The following NUP98 variants were observed in gnomAD, a reference collection of about 807,000 sequenced individuals.
The protein encoded by NUP98 is nuclear pore complex protein Nup98-Nup96.
Under a neutral mutation model 191.9 loss-of-function variants are expected in NUP98, and 26 were observed. The observed-to-expected ratio is 0.14, with a 90% confidence interval of 0.10 to 0.19. NUP98 has a LOEUF of 0.19. NUP98 is among the 10% of genes least tolerant of loss of function. The pLI is 1.00. For synonymous variants in NUP98, 808 were observed against 778.4 expected, an observed-to-expected ratio of 1.04 and a Z score of -0.63; for missense variants, 1,941 against 2,178.8, an observed-to-expected ratio of 0.89 and a Z score of 2.17.
intron 8 of NUP98, among the ~76,000 whole-genome samples, chr11:3,763,707 C>T (rs1252879726): frequency 1.3e-5 from 2 of 152,028 alleles, no homozygotes; most frequent in East Asian, 3.9e-4. Flanking sequence ...CGCCACCAGG[C>T]CTGGCTAATT....
In NUP98 at chr11:3,705,318, T is replaced by C; in HGVS notation, c.2964A>G (p.Val988=). 6.2e-7 allele frequency: 1 copy of C among 1,614,186 alleles called. No homozygotes were observed. The highest frequency in any genetic ancestry group is 2.2e-5 in the East Asian group (1 of 44,890). The stretch of plus-strand genomic sequence containing the variant: ...TGAAGCGTTGATCCAGTGCCATATC[T>C]ACATCTTCTTCATCAGTAAGCAATG... ...KASLLTDEED[V]DMALDQRFSR... Residue 988 remains valine, a synonymous_variant, in exon 22 of 33, where the codon GTA becomes GTG. Coordinates refer to ENST00000324932, the MANE Select transcript of NUP98 (RefSeq NM_016320.5).
At chr11:3,683,490 A>C in intron 29 of NUP98, 49 bp from the exon 30 acceptor site, 1 of 1,601,192 alleles carries the variant, frequency 6.2e-7, no homozygotes, top group African/African-American at 1.3e-5. Flanking sequence ...TTCATGGAGA[A>C]GGCTGCCCCA....
At chr11:3,785,106 C>A (rs2082098917) in intron 1 of NUP98, among the ~76,000 whole-genome samples, 1 of 151,856 alleles carries the variant, frequency 6.6e-6, no homozygotes, top group African/African-American at 2.4e-5. Flanking sequence ...CCACTGCACT[C>A]CAGCCTGGGC....
Position 3,714,013 on chromosome 11 carries a change from T to C in NUP98, c.2400-18A>G. 1 of 1,611,174 alleles carries C rather than the reference T, an allele frequency of 6.2e-7. No homozygotes were observed. Among genetic ancestry groups the C allele is most frequent in the Non-Finnish European group, 8.5e-7 (1 of 1,179,138 alleles). Reference sequence around the variant, plus strand: ...CAGCCTTCCTGTAAAACATAACCAATTAAAGTAACCAATTAAAGTAAAAGC... The same window carrying C: ...CAGCCTTCCTGTAAAACATAACCAACTAAAGTAACCAATTAAAGTAAAAGC... On this transcript the variant is annotated intron_variant, in intron 18 of 32. Coordinates refer to ENST00000324932, the MANE Select transcript of NUP98 (RefSeq NM_016320.5).
chr11:3,752,885 T>C (rs1290409190), intron 11 of NUP98, among the ~76,000 whole-genome samples: 2 of 152,144 alleles, frequency 1.3e-5, no homozygotes, highest in Non-Finnish European at 2.9e-5. Flanking sequence ...TATATGACAA[T>C]GGAACTAAAT....
chr11:3,684,891 T>A (rs2078094108), intron 29 of NUP98, among the ~76,000 whole-genome samples: 1 of 150,834 alleles, frequency 6.6e-6, no homozygotes. Flanking sequence ...AGATCTAGAA[T>A]TTAGACCCTA....
intron 1 of NUP98, among the ~76,000 whole-genome samples, chr11:3,791,859 A>T (rs1286726210): frequency 5.2e-5 from 7 of 135,420 alleles, no homozygotes; most frequent in Admixed American, 2.2e-4. Context: ...AAAAAAAAAA[A>T]TTTTGATACA....
In NUP98 at chr11:3,792,440, G is replaced by A. The variant is rs1288099931; in HGVS notation, c.-29+4960C>T. Among the ~76,000 whole-genome samples the A allele has an allele frequency of 6.6e-5, 10 of 151,878 alleles. No individual in the cohort carries two copies. The East Asian group carries it at 1.6e-3, about 24-fold the overall frequency. On this transcript the variant is annotated intron_variant, in intron 1 of 32. Coordinates refer to ENST00000324932, the MANE Select transcript of NUP98 (RefSeq NM_016320.5). The stretch of plus-strand genomic sequence containing the variant: ...GCCATGGTCAACATGTTGAAACCCC[G>A]TCTCTACAAAAAATACAAAAATTAG...
At chr11:3,765,650 A>C (rs887172246) in intron 8 of NUP98, among the ~76,000 whole-genome samples, 1 of 152,004 alleles carries the variant, frequency 6.6e-6, no homozygotes, top group African/African-American at 2.4e-5. Context: ...AATATAAAAA[A>C]ATTAGCCGGG....
intron 22 of NUP98, 141 bp from the exon 23 acceptor site, chr11:3,703,033 G>C: frequency 4.3e-6 from 3 of 699,082 alleles, no homozygotes; most frequent in Non-Finnish European, 7.0e-6. Context: ...ATGACCAGAA[G>C]CAGGCTAAGT....
At chr11:3,778,775 AAAG>A (rs1158905678) in intron 4 of NUP98, 95 bp downstream of exon 4, 33 of 1,290,728 alleles carry the variant, frequency 2.6e-5, no homozygotes, top group Non-Finnish European at 3.6e-5. Flanking sequence ...TTTAGTAGGA[AAAG>A]AAGGTAGATG....
intron 10 of NUP98, among the ~76,000 whole-genome samples, chr11:3,755,378 C>T (rs924604250): frequency 2.6e-5 from 4 of 151,410 alleles, no homozygotes; most frequent in African/African-American, 4.9e-5. Context: ...GCAGGAAGAT[C>T]GCTTGAACCA....
intron 14 of NUP98, among the ~76,000 whole-genome samples, chr11:3,728,171 T>G (rs754805623): frequency 2.0e-5 from 3 of 152,188 alleles, no homozygotes; most frequent in Admixed American, 2.0e-4. Context: ...ATAAATAGCA[T>G]GCCTATCGTG....
chr11:3,723,165 T>A lies in NUP98; in HGVS notation c.2138A>T (p.His713Leu). ...ACCAATCTGAACCTGACCTGCTGGG[T>A]GCATATGGTAAGAATTATTTTCTAT... The part of the protein sequence containing the change: ...EEIENNSYHM[H>L]PAGIILTKVG... Residue 713 changes from histidine to leucine, a missense_variant, in exon 16 of 33, where the codon CAC becomes CTC. Around this residue, in one of 6 missense-constraint regions of NUP98, gnomAD observed 453 missense variants for 438.2 expected, o/e 1.03. Coordinates refer to ENST00000324932, the MANE Select transcript of NUP98 (RefSeq NM_016320.5). 2 of 1,613,996 alleles carry A rather than the reference T, an allele frequency of 1.2e-6. No homozygotes were observed. The highest frequency in any genetic ancestry group is 1.7e-6 in the Non-Finnish European group (2 of 1,179,922).
chr11:3,781,619 G>C (rs75234895), intron 2 of NUP98, among the ~76,000 whole-genome samples: 1 of 151,888 alleles, frequency 6.6e-6, no homozygotes, highest in Non-Finnish European at 1.5e-5. Flanking sequence ...GTAGATCTCC[G>C]GAGGGTTGAT....
chr11:3,773,786 C>T, intron 5 of NUP98, 47 bp from the exon 6 acceptor site: 2 of 1,097,984 alleles, frequency 1.8e-6, no homozygotes, highest in Non-Finnish European at 2.8e-6. Flanking sequence ...GTTTTACATT[C>T]CTACTCTCTC....
At chr11:3,720,983 T>C (rs536098164) in intron 16 of NUP98, 158 bp from the exon 17 acceptor site, 14 of 468,218 alleles carry the variant, frequency 3.0e-5, no homozygotes. Flanking sequence ...TGAGTGTGTG[T>C]GTGTGTGTGT....
At chr11:3,751,224 G>A (rs992439630) in intron 11 of NUP98, among the ~76,000 whole-genome samples, 1 of 152,082 alleles carries the variant, frequency 6.6e-6, no homozygotes, top group African/African-American at 2.4e-5. Flanking sequence ...TGGGCATGTG[G>A]GCACATGCCA....
intron 11 of NUP98, among the ~76,000 whole-genome samples, chr11:3,752,508 C>T (rs981843667): frequency 2.0e-5 from 3 of 148,952 alleles, no homozygotes; most frequent in Non-Finnish European, 3.0e-5. Context: ...CAGAGTGAGA[C>T]TCCATCTCCA....
Sources: allele counts gnomAD v4.1 joint callset (sites outside exome capture counted in the v4.1 genomes callset), GRCh38; gene constraint gnomAD v4.1.1; regional missense constraint gnomAD v4.1.1; transcripts MANE v1.5; gene names NCBI Gene and HGNC (gene_info 2026-07-23, HGNC 2026-07-21).